The following AUTS2 variants were observed in gnomAD, a reference collection of about 807,000 sequenced individuals.
AUTS2 encodes activator of transcription and developmental regulator AUTS2.
AUTS2 carries 17 observed loss-of-function variants against 112.4 expected under a neutral mutation model. The ratio of observed to expected loss-of-function variants is 0.15; its 90% CI spans 0.10 to 0.23. The LOEUF is 0.23. Ranked by LOEUF, AUTS2 falls within the 10% of genes least tolerant of loss-of-function variation. The pLI is 1.00. For missense variants in AUTS2, 1,510 were observed against 1,701.6 expected (o/e 0.89, Z 1.98); for synonymous variants, 751 against 702.7 (o/e 1.07, Z -1.09).
rs1357694911 is a variant in AUTS2, at chr7:69,987,918, T to TCA, written c.522+88422_522+88423dup. ...TTTCAAACTTGAAAGGTAAAAGTAGTCACTGTTCTTCAAACCAAAATGACT... is the reference window on the plus strand; with the variant it reads ...TTTCAAACTTGAAAGGTAAAAGTAGTCACACTGTTCTTCAAACCAAAATGACT... On this transcript the variant is annotated intron_variant, in intron 2 of 18. Transcript: ENST00000342771. 8.5e-5 allele frequency among the ~76,000 whole-genome samples: 13 copies of TCA among 152,340 alleles called. No individual in the cohort carries two copies. In the South Asian group the frequency reaches 2.7e-3, roughly 32 times the overall value.
intron 2 of AUTS2, among the ~76,000 whole-genome samples, chr7:69,982,701 A>T (rs1798347109): frequency 6.6e-6 from 1 of 152,216 alleles, no homozygotes; most frequent in African/African-American, 2.4e-5. Flanking sequence ...CATGTGATAA[A>T]ACAGCGGCCT....
At chr7:69,943,742 G>A (rs1242316931) in intron 2 of AUTS2, among the ~76,000 whole-genome samples, 1 of 152,084 alleles carries the variant, frequency 6.6e-6, no homozygotes, top group East Asian at 1.9e-4. Context: ...ATAAAAATAG[G>A]TATGTATGTA....
At chr7:70,241,792 G>A (rs1812628054) in intron 4 of AUTS2, among the ~76,000 whole-genome samples, 1 of 152,144 alleles carries the variant, frequency 6.6e-6, no homozygotes, top group African/African-American at 2.4e-5. Flanking sequence ...TCATTTTACA[G>A]GCAATGTTGC....
rs577688963 is a variant in AUTS2, at chr7:70,687,594, A to G, written c.691-10975A>G. Among the ~76,000 whole-genome samples, 11 of 152,370 alleles carry G rather than the reference A, an allele frequency of 7.2e-5. No individual in the cohort carries two copies. In the South Asian group the frequency reaches 1.9e-3, roughly 26 times the overall value. On this transcript the variant is annotated intron_variant, in intron 5 of 18. Transcript: ENST00000342771. ...TCCCCCCTGTGTCTCAATGGTATGCATCATAAACTAATCCAGTTCAGTTTA... is the reference window on the plus strand; with the variant it reads ...TCCCCCCTGTGTCTCAATGGTATGCGTCATAAACTAATCCAGTTCAGTTTA...
chr7:70,139,457 C>T (rs902420585), intron 4 of AUTS2, among the ~76,000 whole-genome samples: 3 of 152,126 alleles, frequency 2.0e-5, no homozygotes, highest in Admixed American at 6.6e-5. Context: ...AAACAAAAGA[C>T]GTCATTCTAC....
intron 4 of AUTS2, among the ~76,000 whole-genome samples, chr7:70,342,242 C>T (rs1585037328): frequency 6.6e-6 from 1 of 152,128 alleles, no homozygotes; most frequent in African/African-American, 2.4e-5. Context: ...AGTAAGCCAA[C>T]TCTGGGCATC....
At chr7:69,870,681 G>A (rs1793457125) in intron 1 of AUTS2, among the ~76,000 whole-genome samples, 1 of 151,874 alleles carries the variant, frequency 6.6e-6, no homozygotes, top group Admixed American at 6.6e-5. Flanking sequence ...AATCAGGACA[G>A]ACTGTATAAG....
intron 4 of AUTS2, among the ~76,000 whole-genome samples, chr7:70,192,933 C>T (rs1404736916): frequency 2.0e-5 from 3 of 152,120 alleles, no homozygotes; most frequent in African/African-American, 4.8e-5. Context: ...TGGCAAAAAG[C>T]AAGCATGACT....
intron 1 of AUTS2, among the ~76,000 whole-genome samples, chr7:69,645,315 G>T (rs1389629943): frequency 6.6e-6 from 1 of 151,972 alleles, no homozygotes; most frequent in Non-Finnish European, 1.5e-5. Context: ...GTCATTTTTT[G>T]ACCTGGTGCT....
At chr7:69,729,585 G>A (rs1455640312) in intron 1 of AUTS2, among the ~76,000 whole-genome samples, 3 of 151,908 alleles carry the variant, frequency 2.0e-5, no homozygotes, top group Non-Finnish European at 4.4e-5. Flanking sequence ...CAGCATAATA[G>A]TACCTCAAAT....
At chr7:70,308,537 G>A (rs777850152) in intron 4 of AUTS2, among the ~76,000 whole-genome samples, 24 of 152,196 alleles carry the variant, frequency 1.6e-4, no homozygotes, top group Non-Finnish European at 3.1e-4. Flanking sequence ...TTGCCCTAAA[G>A]TATTGAGCTG....
intron 2 of AUTS2, among the ~76,000 whole-genome samples, chr7:70,052,337 C>T (rs1281702927): frequency 6.6e-6 from 1 of 152,156 alleles, no homozygotes; most frequent in Non-Finnish European, 1.5e-5. Flanking sequence ...GTAATTGGTT[C>T]TAATTTCCAG....
chr7:70,509,014 A>G (rs1039883119), intron 5 of AUTS2, among the ~76,000 whole-genome samples: 1 of 152,052 alleles, frequency 6.6e-6, no homozygotes, highest in African/African-American at 2.4e-5. Flanking sequence ...TTCTCCTTTC[A>G]TTATATTTTT....
intron 4 of AUTS2, among the ~76,000 whole-genome samples, chr7:70,139,097 T>G (rs929453001): frequency 1.3e-5 from 2 of 152,094 alleles, no homozygotes; most frequent in Non-Finnish European, 2.9e-5. Context: ...CTTCCCAGTA[T>G]CTGGGAGTAA....
intron 1 of AUTS2, among the ~76,000 whole-genome samples, chr7:69,779,050 TAAA>T (rs1554368326): frequency 0.014 from 1,234 of 86,538 alleles, 26 homozygotes; most frequent in African/African-American, 0.048. Flanking sequence ...TTTTTTTTTT[TAAA>T]AAAAAAAAAA....
At chr7:70,284,178 A>T (rs1788353664) in intron 4 of AUTS2, among the ~76,000 whole-genome samples, 1 of 152,344 alleles carries the variant, frequency 6.6e-6, no homozygotes, top group Admixed American at 6.5e-5. Context: ...TTCCACATCA[A>T]TACCTTATCT....
chr7:69,783,671 T>C (rs934869472), intron 1 of AUTS2, among the ~76,000 whole-genome samples: 2 of 152,224 alleles, frequency 1.3e-5, no homozygotes, highest in African/African-American at 2.4e-5. Context: ...AAAAATGCTG[T>C]TAGCAAGCTT....
intron 1 of AUTS2, among the ~76,000 whole-genome samples, chr7:69,877,453 A>G (rs919206393): frequency 6.6e-6 from 1 of 152,172 alleles, no homozygotes; most frequent in African/African-American, 2.4e-5. Context: ...TGAGATGCAT[A>G]TTTATTTATT....
At chr7:69,729,000 A>G (rs1482908893) in intron 1 of AUTS2, among the ~76,000 whole-genome samples, 1 of 152,154 alleles carries the variant, frequency 6.6e-6, no homozygotes, top group Non-Finnish European at 1.5e-5. Context: ...CACAGAAAGC[A>G]AGTATCTATG....
Sources: allele counts gnomAD v4.1 joint callset (sites outside exome capture counted in the v4.1 genomes callset), GRCh38; gene constraint gnomAD v4.1.1; transcripts MANE v1.5; gene names NCBI Gene and HGNC (gene_info 2026-07-23, HGNC 2026-07-21).